Variants in SHISA9 observed in about 807,000 individuals in gnomAD.
SHISA9 encodes shisa family member 9.
SHISA9 carries 13 observed loss-of-function variants against 38.0 expected under a neutral mutation model. The ratio of observed to expected loss-of-function variants is 0.34; its 90% CI spans 0.22 to 0.54. SHISA9 has a LOEUF of 0.54. SHISA9 is among the 20% of genes least tolerant of loss of function. The pLI is 0.91. For missense variants in SHISA9, 538 were observed against 575.8 expected, an observed-to-expected ratio of 0.93 and a Z score of 0.67; for synonymous variants, 275 against 242.0, an observed-to-expected ratio of 1.14 and a Z score of -1.27.
intron 2 of SHISA9, among the ~76,000 whole-genome samples, chr16:13,103,105 G>A (rs1387669981): frequency 6.6e-6 from 1 of 152,190 alleles, no homozygotes; most frequent in African/African-American, 2.4e-5. Context: ...TGAGGAAACT[G>A]AGGCAAAGAG....
intron 2 of SHISA9, among the ~76,000 whole-genome samples, chr16:12,980,523 C>T: frequency 6.6e-6 from 1 of 150,396 alleles, no homozygotes; most frequent in Non-Finnish European, 1.5e-5. Context: ...TTTAGAAGTT[C>T]CTGTGTTTTT....
the SHISA9 span, among the ~76,000 whole-genome samples, chr16:13,384,473 C>T: frequency 4.0e-4 from 61 of 152,276 alleles, no homozygotes; most frequent in East Asian, 0.011. Flanking sequence ...CAGCATATGG[C>T]ATGAGAATCT....
chr16:13,085,582 G>T (rs752523975), intron 2 of SHISA9, among the ~76,000 whole-genome samples: 14 of 152,126 alleles, frequency 9.2e-5, no homozygotes, highest in Non-Finnish European at 1.0e-4. Flanking sequence ...GCCTGCCCAG[G>T]GTTCAAGGCT....
At chr16:13,019,824 CTTTCTTTCTTT>C (rs1170696965) in intron 2 of SHISA9, among the ~76,000 whole-genome samples, 75 of 110,542 alleles carry the variant, frequency 6.8e-4, no homozygotes, top group African/African-American at 2.4e-3. Context: ...TTCTTTCTTT[CTTTCTTTCTTT>C]TTCCTTCCTT....
intron 2 of SHISA9, among the ~76,000 whole-genome samples, chr16:13,037,234 T>G (rs1174327429): frequency 6.6e-6 from 1 of 152,032 alleles, no homozygotes; most frequent in East Asian, 1.9e-4. Flanking sequence ...CCAGGGCGTT[T>G]GAAGGCAGAA....
Position 13,237,655 on chromosome 16 carries a change from A to C in SHISA9, c.*2246A>C, listed in dbSNP as rs1287874117. 38 of 39,478 alleles carry C rather than the reference A, an allele frequency of 9.6e-4. No individual in the cohort carries two copies. Among genetic ancestry groups the C allele is most frequent in the African/African-American group, 2.3e-3 (37 of 16,228 alleles). The allele number at this position is 39,478 out of a possible 1,614,324, so 2.4% of individuals were successfully genotyped here. A position where few individuals can be genotyped will look rare whatever the true frequency, so the allele number is the denominator to read the frequency against. On this transcript the variant is annotated 3_prime_UTR_variant, in exon 5 of 5. Transcript: ENST00000558583. ...CTGGGTGACGGAGTGAGACTATCTC[A>C]AAAAAAAAAAAAAAAAGAAAAAAAA...
chr16:13,551,131 A>G, the SHISA9 span, among the ~76,000 whole-genome samples: 1 of 151,970 alleles, frequency 6.6e-6, no homozygotes, highest in East Asian at 1.9e-4. Context: ...CTCGAAAAAA[A>G]AAAAAAGAAG....
chr16:12,910,609 G>T (rs1043165763), intron 1 of SHISA9: 2 of 985,136 alleles, frequency 2.0e-6, no homozygotes, highest in African/African-American at 3.5e-5. Context: ...CTCAAAAATG[G>T]CAACATAATT....
At chr16:13,304,697 A>T in the SHISA9 span, among the ~76,000 whole-genome samples, 1 of 152,196 alleles carries the variant, frequency 6.6e-6, no homozygotes, top group Non-Finnish European at 1.5e-5. Flanking sequence ...CAACAATCTT[A>T]TGAGGTGAGT....
the SHISA9 span, among the ~76,000 whole-genome samples, chr16:13,419,360 A>T: frequency 6.6e-6 from 1 of 152,210 alleles, no homozygotes; most frequent in African/African-American, 2.4e-5. Context: ...AGGTGGTGCA[A>T]TTAAGTTAGG....
At chr16:13,192,735 C>T (rs1324594002) in intron 2 of SHISA9, among the ~76,000 whole-genome samples, 1 of 152,002 alleles carries the variant, frequency 6.6e-6, no homozygotes, top group African/African-American at 2.4e-5. Context: ...ATTACCCGGG[C>T]GTGGTGGCAC....
chr16:13,150,793 T>C (rs568729563), intron 2 of SHISA9, among the ~76,000 whole-genome samples: 3 of 152,336 alleles, frequency 2.0e-5, no homozygotes, highest in South Asian at 2.1e-4. Context: ...ATTTACTTAG[T>C]TGGGATTCAA....
rs932959554 is a variant in SHISA9 at position 13,172,666 on chromosome 16, T to G, written c.692-30728T>G. Among the ~76,000 whole-genome samples the G allele has an allele frequency of 3.3e-5, 5 of 152,256 alleles. No individual in the cohort carries two copies. The South Asian group carries it at 1.0e-3, about 32-fold the overall frequency. On this transcript the variant is annotated intron_variant, in intron 2 of 4. Coordinates refer to ENST00000558583, the MANE Select transcript of SHISA9 (RefSeq NM_001145204.3). ...CTTCCAGCAACAATGTCAGCCTGGT[T>G]TCGCGTCTGTTTAGGCCCATGAGAG...
intron 2 of SHISA9, among the ~76,000 whole-genome samples, chr16:12,947,236 G>A (rs2071700171): frequency 6.6e-6 from 1 of 152,064 alleles, no homozygotes; most frequent in African/African-American, 2.4e-5. Flanking sequence ...CCTGGAAAAA[G>A]GTATATGACT....
intron 2 of SHISA9, among the ~76,000 whole-genome samples, chr16:13,015,856 T>C (rs555151472): frequency 1.9e-3 from 56 of 30,030 alleles, no homozygotes; most frequent in African/African-American, 7.4e-3. Context: ...TTCTTTCCCT[T>C]TCTTTCTTTC....
chr16:13,089,109 G>A (rs144809504), intron 2 of SHISA9, among the ~76,000 whole-genome samples: 68 of 152,308 alleles, frequency 4.5e-4, no homozygotes, highest in African/African-American at 1.5e-3. Context: ...GATGGATTAC[G>A]TTTATTGATT....
chr16:12,997,490 T>A (rs2072472603), intron 2 of SHISA9, among the ~76,000 whole-genome samples: 1 of 149,504 alleles, frequency 6.7e-6, no homozygotes, highest in Non-Finnish European at 1.5e-5. Context: ...CACTGCAACC[T>A]CCATCTCCCG....
chr16:12,930,990 A>G (rs2071454639), intron 2 of SHISA9, among the ~76,000 whole-genome samples: 1 of 152,212 alleles, frequency 6.6e-6, no homozygotes, highest in South Asian at 2.1e-4. Flanking sequence ...ATCCAAAAAT[A>G]CCCCAAATGT....
chr16:13,114,294 A>G (rs1005923306), intron 2 of SHISA9, among the ~76,000 whole-genome samples: 1 of 151,768 alleles, frequency 6.6e-6, no homozygotes, highest in Non-Finnish European at 1.5e-5. Context: ...GTGAAACCCC[A>G]TCTCCACTAA....
Sources: gnomAD v4.1 joint callset for allele counts (sites outside exome capture counted in the v4.1 genomes callset) on GRCh38, gnomAD v4.1.1 for gene constraint, MANE v1.5 for transcripts, NCBI Gene and HGNC (gene_info 2026-07-23, HGNC 2026-07-21) for gene names.